SP1: variants seen among roughly 807,000 people sequenced by gnomAD.
SP1 encodes the protein transcription factor Sp1.
A neutral mutation model predicts 66.3 loss-of-function variants in SP1; 6 were observed. That is an observed-to-expected ratio of 0.09 (90% CI 0.05 to 0.18). SP1 has a LOEUF of 0.18. Ranked by LOEUF, SP1 falls within the 10% of genes least tolerant of loss-of-function variation. The pLI is 1.00. For synonymous variants in SP1, 417 were observed against 360.8 expected (o/e 1.16, Z -1.77); for missense variants, 848 against 964.5 (o/e 0.88, Z 1.60).
chr12:53,403,568 C>T (rs1469134776), intron 3 of SP1, among the ~76,000 whole-genome samples: 3 of 151,184 alleles, frequency 2.0e-5, no homozygotes, highest in African/African-American at 4.9e-5. Context: ...TTGCCCAGAC[C>T]GATCTCAAAC....
In SP1 at chr12:53,415,549, A is replaced by G. The variant is rs1938978724; in HGVS notation, c.*4309A>G. ...CCCATTTTCCCCTTCCTCATTATCA[A>G]ACAGCCCCAGTCTTCCTTGTCTCTG... On this transcript the variant is annotated 3_prime_UTR_variant, in exon 6 of 6. Coordinates refer to ENST00000327443, the MANE Select transcript of SP1 (RefSeq NM_138473.3). 6.6e-6 allele frequency: 1 copy of G among 152,324 alleles called. No homozygotes were observed. The highest frequency in any genetic ancestry group is 1.5e-5 in the Non-Finnish European group (1 of 68,002). 9.4% of individuals were successfully genotyped at this position (152,324 alleles called of 1,614,324 possible). A position where few individuals can be genotyped will look rare whatever the true frequency, so the allele number is the denominator to read the frequency against.
At chr12:53,380,740 CCCCGCCCCCCACCGT>C in intron 1 of SP1, 1 of 710,854 alleles carries the variant, frequency 1.4e-6, no homozygotes, top group Non-Finnish European at 1.7e-6. Flanking sequence ...TTCCCTTCCC[CCCCGCCCCCCACCGT>C]CCCGCCCTTT....
chr12:53,396,171 C>T (rs1476342270), intron 3 of SP1, among the ~76,000 whole-genome samples: 1 of 151,450 alleles, frequency 6.6e-6, no homozygotes, highest in African/African-American at 2.4e-5. Context: ...GTCCCAGCTA[C>T]TCAGGACGCT....
At chr12:53,401,308 G>A (rs905479534) in intron 3 of SP1, among the ~76,000 whole-genome samples, 2 of 151,440 alleles carry the variant, frequency 1.3e-5, no homozygotes, top group Non-Finnish European at 2.9e-5. Flanking sequence ...AAAATTAGCC[G>A]GGCATGGTGG....
intron 3 of SP1, among the ~76,000 whole-genome samples, chr12:53,402,560 C>T (rs1452850529): frequency 2.6e-5 from 4 of 150,950 alleles, no homozygotes; most frequent in South Asian, 2.1e-4. Flanking sequence ...AGAAGGAGGC[C>T]GGGCAAGGTG....
At chr12:53,381,604 A>T in intron 1 of SP1, 55 bp from the exon 2 acceptor site, 1 of 1,419,572 alleles carries the variant, frequency 7.0e-7, no homozygotes, top group Non-Finnish European at 9.7e-7. Context: ...TATCCTTCCT[A>T]CTTCATTTCT....
At chr12:53,408,505 T>A (rs2136918910) in intron 4 of SP1, among the ~76,000 whole-genome samples, 1 of 151,684 alleles carries the variant, frequency 6.6e-6, no homozygotes, top group East Asian at 2.1e-4. Flanking sequence ...TTGGCCAGGC[T>A]GGTCTCGGAT....
chr12:53,392,556 A>G (rs11170529), intron 3 of SP1, among the ~76,000 whole-genome samples: 1 of 150,112 alleles, frequency 6.7e-6, no homozygotes, highest in African/African-American at 2.5e-5. Context: ...ACGGGGTTTC[A>G]CCGTTTTAGC....
chr12:53,388,499 G>C (rs1253459961), intron 3 of SP1, among the ~76,000 whole-genome samples: 1 of 152,162 alleles, frequency 6.6e-6, no homozygotes, highest in Non-Finnish European at 1.5e-5. Context: ...AGGCTGTTTT[G>C]TAAGAGTTGA....
intron 4 of SP1, among the ~76,000 whole-genome samples, chr12:53,407,256 C>T (rs1938762935): frequency 6.6e-6 from 1 of 151,112 alleles, no homozygotes; most frequent in Non-Finnish European, 1.5e-5. Context: ...AAGCGAGAGC[C>T]GATCTCTACA....
At chr12:53,399,577 C>T (rs372243300) in intron 3 of SP1, among the ~76,000 whole-genome samples, 9 of 152,056 alleles carry the variant, frequency 5.9e-5, no homozygotes, top group Admixed American at 3.3e-4. Flanking sequence ...GTGATCCGCC[C>T]GCCTCGGCCT....
At chr12:53,409,686 G>A (rs1938834238) in intron 5 of SP1, 125 bp downstream of exon 5, 1 of 816,064 alleles carries the variant, frequency 1.2e-6, no homozygotes, top group Non-Finnish European at 1.9e-6. Context: ...GGTCACAAAT[G>A]GAATTGGAGT....
intron 4 of SP1, among the ~76,000 whole-genome samples, chr12:53,408,696 G>A (rs886089391): frequency 6.7e-6 from 1 of 148,526 alleles, no homozygotes; most frequent in Admixed American, 6.7e-5. Flanking sequence ...CACAAGGTCA[G>A]GAGATCGAGA....
At chr12:53,387,987 A>G (rs991356265) in intron 3 of SP1, among the ~76,000 whole-genome samples, 4 of 150,052 alleles carry the variant, frequency 2.7e-5, no homozygotes, top group African/African-American at 9.7e-5. Flanking sequence ...CTCCGTCTCA[A>G]AAAAAAAAAA....
At chr12:53,392,450 G>A (rs35816088) in intron 3 of SP1, among the ~76,000 whole-genome samples, 3 of 145,176 alleles carry the variant, frequency 2.1e-5, no homozygotes, top group Admixed American at 7.1e-5. Context: ...TCCGCCTCCC[G>A]GGTTCACGCC....
intron 3 of SP1, among the ~76,000 whole-genome samples, chr12:53,392,669 A>G (rs1938382432): frequency 6.9e-6 from 1 of 145,406 alleles, no homozygotes; most frequent in African/African-American, 2.6e-5. Context: ...ATTTTTTTGT[A>G]TATTTAGTAG....
rs1938140418 is a variant in SP1 at position 53,382,902 on chromosome 12, T to C, written c.955T>C (p.Ser319Pro). 2 of 1,613,988 alleles carry C rather than the reference T, an allele frequency of 1.2e-6. No individual in the cohort carries two copies. Among genetic ancestry groups the C allele is most frequent in the South Asian group, 2.2e-5 (2 of 91,086 alleles). ...GGTATCATCACAAGCCAGTTCCAGC[T>C]CCTTTTTCACCAATGCCAATAGCTA... is the stretch of plus-strand genomic sequence containing the variant. ...SLVSSQASSSSFFTNANSYST... is the reference protein window; with the variant it reads ...SLVSSQASSSPFFTNANSYST... Residue 319 changes from serine to proline, a missense_variant, in exon 3 of 6, where the codon TCC becomes CCC. Coordinates refer to ENST00000327443, the MANE Select transcript of SP1 (RefSeq NM_138473.3).
rs527501990 is a variant in SP1, at chr12:53,400,094, C to A, written c.1676-6491C>A. ...TTTTTAGTATATTCACAGGATTGTG[C>A]AACCATCACTACAACCCAAGAACAT... is the stretch of plus-strand genomic sequence containing the variant. On this transcript the variant is annotated intron_variant, in intron 3 of 5. Coordinates refer to ENST00000327443, the MANE Select transcript of SP1 (RefSeq NM_138473.3). 2.0e-5 allele frequency among the ~76,000 whole-genome samples: 3 copies of A among 152,264 alleles called. No individual in the cohort carries two copies. The South Asian group carries it at 6.2e-4, about 32-fold the overall frequency.
At position 53,389,216 on chromosome 12, in the gene SP1, C is replaced by CTTTT. The variant is rs71443297; in HGVS notation, c.1675+5611_1675+5614dup. Reference sequence around the variant, plus strand: ...TACATTCATTATTTTTTAAAATGATCTTTTTTTTTTTTTTTTTTTTGGGAG... The same window carrying CTTTT: ...TACATTCATTATTTTTTAAAATGATCTTTTTTTTTTTTTTTTTTTTTTTTGGGAG... On this transcript the variant is annotated intron_variant, in intron 3 of 5. Transcript: ENST00000327443. Among the ~76,000 whole-genome samples the CTTTT allele has an allele frequency of 6.6e-3, 702 of 106,618 alleles. 1 individual carries two copies. Among genetic ancestry groups the CTTTT allele is most frequent in the Non-Finnish European group, 9.0e-3 (472 of 52,298 alleles). 69.9% of individuals were successfully genotyped at this position (106,618 alleles called of 152,430 possible).
Sources: allele counts gnomAD v4.1 joint callset (sites outside exome capture counted in the v4.1 genomes callset), GRCh38; gene constraint gnomAD v4.1.1; transcripts MANE v1.5; gene names NCBI Gene and HGNC (gene_info 2026-07-23, HGNC 2026-07-21).